The following FAM222A variants were observed in gnomAD, a reference collection of about 807,000 sequenced individuals.
The protein encoded by FAM222A is protein FAM222A.
Under a neutral mutation model 25.8 loss-of-function variants are expected in FAM222A, and 7 were observed. The ratio of observed to expected loss-of-function variants is 0.27; its 90% confidence interval spans 0.15 to 0.51. The LOEUF (loss-of-function observed/expected upper bound fraction) is 0.51, where lower values mean the gene tolerates loss of function less well. FAM222A is among the 20% of genes least tolerant of loss of function. The pLI is 0.97. For missense variants in FAM222A, 573 were observed against 640.5 expected (o/e 0.89, Z 1.14); for synonymous variants, 294 against 298.8 (o/e 0.98, Z 0.17).
intron 1 of FAM222A, among the ~76,000 whole-genome samples, chr12:109,718,493 GC>G (rs1887687652): frequency 6.6e-6 from 1 of 152,212 alleles, no homozygotes; most frequent in South Asian, 2.1e-4. Context: ...ATTCCTCTGG[GC>G]TCGGGGCGGG....
intron 2 of FAM222A, chr12:109,744,616 C>G (rs1234823081): frequency 2.0e-6 from 2 of 985,298 alleles, no homozygotes; most frequent in Non-Finnish European, 2.4e-6. Context: ...GCTTGAGGCC[C>G]ATGAGCTGTG....
At chr12:109,716,690 C>T (rs750856493) in intron 1 of FAM222A, among the ~76,000 whole-genome samples, 5 of 152,232 alleles carry the variant, frequency 3.3e-5, no homozygotes, top group Non-Finnish European at 5.9e-5. Flanking sequence ...TTCACAAACA[C>T]AGGCAGTTGG....
Position 109,764,805 on chromosome 12 carries a change from G to A in FAM222A, c.83-3207G>A, listed in dbSNP as rs560680826. ...TGGTCCCTTTTTTGCGGGACTCTCC[G>A]AGTGGCGCTAAGTGCCCATGAAATT... On this transcript the variant is annotated intron_variant, in intron 2 of 2. Coordinates refer to ENST00000538780, the MANE Select transcript of FAM222A (RefSeq NM_032829.3). Among the ~76,000 whole-genome samples the A allele has an allele frequency of 9.2e-5, 14 of 152,276 alleles. 1 individual carries two copies. The highest frequency in any genetic ancestry group is 3.1e-4 in the African/African-American group (13 of 41,552).
chr12:109,742,543 C>G (rs1006195331), intron 1 of FAM222A, among the ~76,000 whole-genome samples: 5 of 151,446 alleles, frequency 3.3e-5, no homozygotes, highest in Non-Finnish European at 5.9e-5. Context: ...TTAAGGCTGG[C>G]GATTGGGGAG....
intron 2 of FAM222A, among the ~76,000 whole-genome samples, chr12:109,757,509 C>T (rs114082191): frequency 0.013 from 1,944 of 152,220 alleles, 45 homozygotes; most frequent in African/African-American, 0.044. Flanking sequence ...TACCTCACAC[C>T]ATACCCAAAA....
At chr12:109,741,063 CG>C (rs1404662216) in intron 1 of FAM222A, among the ~76,000 whole-genome samples, 4 of 152,148 alleles carry the variant, frequency 2.6e-5, no homozygotes, top group African/African-American at 9.7e-5. Flanking sequence ...GGCTCCACGC[CG>C]GGGCCAGAGA....
intron 2 of FAM222A, among the ~76,000 whole-genome samples, chr12:109,760,851 G>GA (rs1321249715): frequency 1.3e-5 from 2 of 152,218 alleles, no homozygotes; most frequent in Non-Finnish European, 1.5e-5. Context: ...GCGGGAAGGA[G>GA]ACCTGGGCCA....
intron 1 of FAM222A, among the ~76,000 whole-genome samples, chr12:109,729,366 T>C (rs930661203): frequency 2.6e-5 from 4 of 151,002 alleles, no homozygotes; most frequent in African/African-American, 9.8e-5. Context: ...TGCTGGGGGG[T>C]CTCAGGACGG....
intron 2 of FAM222A, among the ~76,000 whole-genome samples, chr12:109,760,678 A>G (rs918508646): frequency 2.6e-5 from 4 of 151,482 alleles, no homozygotes; most frequent in African/African-American, 9.7e-5. Context: ...TTGACACTCT[A>G]CTCCTTGAAC....
At chr12:109,729,213 G>A (rs1403530709) in intron 1 of FAM222A, among the ~76,000 whole-genome samples, 1 of 145,228 alleles carries the variant, frequency 6.9e-6, no homozygotes, top group Non-Finnish European at 1.5e-5. Context: ...CAGACAATAA[G>A]AATTTTAGGT....
intron 1 of FAM222A, among the ~76,000 whole-genome samples, chr12:109,742,728 A>G (rs947088068): frequency 6.6e-6 from 1 of 152,146 alleles, no homozygotes; most frequent in Non-Finnish European, 1.5e-5. Context: ...AAAATAGGGC[A>G]TAATGAAAGG....
intron 2 of FAM222A, among the ~76,000 whole-genome samples, chr12:109,750,704 C>T (rs1451752709): frequency 1.3e-5 from 2 of 151,806 alleles, no homozygotes; most frequent in Non-Finnish European, 2.9e-5. Context: ...AAGAAGGCCT[C>T]ATGTGAACAA....
intron 1 of FAM222A, among the ~76,000 whole-genome samples, chr12:109,740,766 T>C (rs1888217854): frequency 6.6e-6 from 1 of 152,062 alleles, no homozygotes; most frequent in South Asian, 2.1e-4. Context: ...GACAGACAAA[T>C]AAGACACGGT....
Position 109,768,611 on chromosome 12 carries a change from C to G in FAM222A, c.682C>G (p.Pro228Ala), listed in dbSNP as rs1259949483. Residue 228 changes from proline to alanine, a missense_variant, in exon 3 of 3, where the codon CCC (proline) becomes GCC (alanine). Transcript: ENST00000538780. Reference sequence around the variant, plus strand: ...CTGCCAGGGCATGGCTATTCCCCATCCCAGCCCTGCCAAGCACGGCCCAGT... The same window carrying G: ...CTGCCAGGGCATGGCTATTCCCCATGCCAGCCCTGCCAAGCACGGCCCAGT... Reference protein sequence around the residue: ...PACQGMAIPHPSPAKHGPVPS... With the variant: ...PACQGMAIPHASPAKHGPVPS... 3.1e-6 allele frequency: 5 copies of G among 1,603,724 alleles called. No individual in the cohort carries two copies. Among genetic ancestry groups the G allele is most frequent in the Non-Finnish European group, 4.2e-6 (5 of 1,179,460 alleles).
intron 2 of FAM222A, among the ~76,000 whole-genome samples, chr12:109,751,925 C>T (rs917616427): frequency 3.0e-4 from 45 of 152,042 alleles, no homozygotes; most frequent in African/African-American, 1.0e-3. Flanking sequence ...TATTACACTG[C>T]AGGAATAAAA....
chr12:109,765,098 G>A (rs1224802016), intron 2 of FAM222A, among the ~76,000 whole-genome samples: 1 of 152,234 alleles, frequency 6.6e-6, no homozygotes, highest in Non-Finnish European at 1.5e-5. Flanking sequence ...TAAGCCCACT[G>A]AAGCTCATTT....
chr12:109,747,480 C>T (rs1212551582), intron 2 of FAM222A, among the ~76,000 whole-genome samples: 1 of 152,100 alleles, frequency 6.6e-6, no homozygotes, highest in African/African-American at 2.4e-5. Flanking sequence ...TTATTATTTT[C>T]TTGTCTGAAC....
At chr12:109,740,364 TC>T (rs1888206376) in intron 1 of FAM222A, among the ~76,000 whole-genome samples, 1 of 152,030 alleles carries the variant, frequency 6.6e-6, no homozygotes, top group Admixed American at 6.5e-5. Context: ...GCGACGTTTT[TC>T]CCCTCCCTGC....
intron 2 of FAM222A, among the ~76,000 whole-genome samples, chr12:109,745,252 C>G (rs1218424321): frequency 6.6e-6 from 1 of 152,262 alleles, no homozygotes; most frequent in African/African-American, 2.4e-5. Context: ...CTGCATCTCA[C>G]TGTTTCCCTT....
Sources: allele counts gnomAD v4.1 joint callset (sites outside exome capture counted in the v4.1 genomes callset), GRCh38; gene constraint gnomAD v4.1.1; transcripts MANE v1.5; gene names NCBI Gene and HGNC (gene_info 2026-07-23, HGNC 2026-07-21).